Variants in WDR7 observed in about 807,000 individuals in gnomAD.
WDR7 encodes WD repeat-containing protein 7.
Under a neutral mutation model 169.4 loss-of-function variants are expected in WDR7, and 46 were observed. The observed-to-expected ratio is 0.27, with a 90% confidence interval of 0.21 to 0.35. WDR7 has a LOEUF of 0.35. WDR7 is among the 10% of genes least tolerant of loss of function. WDR7 has a pLI of 1.00. For synonymous variants in WDR7, 612 were observed against 666.8 expected, an observed-to-expected ratio of 0.92 and a Z score of 1.27; for missense variants, 1,534 against 1,859.3, an observed-to-expected ratio of 0.83 and a Z score of 3.22.
Position 56,781,670 on chromosome 18 carries a change from T to C in WDR7, c.3190+14T>C, listed in dbSNP as rs754280905. The C allele has an allele frequency of 6.3e-7, 1 of 1,576,404 alleles. No homozygotes were observed. Among genetic ancestry groups the C allele is most frequent in the Non-Finnish European group, 8.6e-7 (1 of 1,159,654 alleles). On this transcript the variant is annotated intron_variant, in intron 19 of 27. Transcript: ENST00000254442. The stretch of plus-strand genomic sequence containing the variant: ...ACGTCATATCACGTAAGAGTTCTCA[T>C]GCTTCTCTACAAAGCTTTGCAGGAA...
chr18:56,902,193 A>G (rs1368497179), intron 21 of WDR7, among the ~76,000 whole-genome samples: 1 of 152,184 alleles, frequency 6.6e-6, no homozygotes, highest in Non-Finnish European at 1.5e-5. Flanking sequence ...GTTCTGGGCA[A>G]TAACACAAGT....
chr18:56,774,219 A>G (rs2044208575), intron 16 of WDR7, among the ~76,000 whole-genome samples: 1 of 152,126 alleles, frequency 6.6e-6, no homozygotes, highest in Non-Finnish European at 1.5e-5. Flanking sequence ...TCAAATTTAA[A>G]TGGAGTTTAG....
At chr18:56,867,367 T>TTTA (rs1339535935) in intron 20 of WDR7, among the ~76,000 whole-genome samples, 11 of 152,078 alleles carry the variant, frequency 7.2e-5, no homozygotes, top group African/African-American at 2.7e-4. Context: ...CAGAGCAGTT[T>TTTA]AAGTACAATA....
At chr18:56,919,826 A>C (rs1437889328) in intron 21 of WDR7, among the ~76,000 whole-genome samples, 1 of 152,232 alleles carries the variant, frequency 6.6e-6, no homozygotes, top group Non-Finnish European at 1.5e-5. Context: ...TGAGAAGATC[A>C]GAATTAAAAG....
At chr18:56,943,344 T>C (rs74481268) in intron 25 of WDR7, among the ~76,000 whole-genome samples, 51 of 141,436 alleles carry the variant, frequency 3.6e-4, no homozygotes, top group African/African-American at 1.4e-3. Flanking sequence ...TTTTGTATTC[T>C]TTTTTTTTTT....
chr18:56,875,182 T>G (rs531830506), intron 20 of WDR7, among the ~76,000 whole-genome samples: 2 of 152,334 alleles, frequency 1.3e-5, no homozygotes, highest in Admixed American at 6.5e-5. Context: ...AGGGTTGTTT[T>G]GTTCTGTTTT....
At chr18:56,662,356 T>C (rs653614) in intron 1 of WDR7, among the ~76,000 whole-genome samples, 139,307 of 152,194 alleles carry the variant, frequency 0.92, 64,887 homozygotes, top group Non-Finnish European at 1. Flanking sequence ...ATCTTAACTG[T>C]TTATAGCTTT....
Position 56,731,511 on chromosome 18 carries a change from C to T in WDR7, c.1903C>T (p.Arg635Cys), listed in dbSNP as rs773164868. Reference sequence around the variant, plus strand: ...CAACCTAAAACAAGCTATGACGAGACGTAGTCTTGCTGCTCTTAAAAATAT... The same window carrying T: ...CAACCTAAAACAAGCTATGACGAGATGTAGTCTTGCTGCTCTTAAAAATAT... ...AVNLKQAMTR[R>C]SLAALKNMAH... The change falls in exon 14 of 28, where the codon CGT (arginine) becomes TGT (cysteine). Residue 635 changes from arginine to cysteine, a missense_variant. Transcript: ENST00000254442. 13 of 1,614,068 alleles carry T rather than the reference C, an allele frequency of 8.1e-6. No individual in the cohort carries two copies. The East Asian group carries it at 1.3e-4, about 17-fold the overall frequency.
intron 13 of WDR7, among the ~76,000 whole-genome samples, chr18:56,727,457 C>T (rs892022642): frequency 1.3e-5 from 2 of 152,094 alleles, no homozygotes; most frequent in East Asian, 1.9e-4. Context: ...CTCACAGTTC[C>T]GCATGGTTGG....
At chr18:56,668,107 G>A (rs1568126870) in intron 1 of WDR7, among the ~76,000 whole-genome samples, 1 of 152,194 alleles carries the variant, frequency 6.6e-6, no homozygotes, top group African/African-American at 2.4e-5. Flanking sequence ...CAGCTTGAGT[G>A]ATCTTTCTGA....
intron 25 of WDR7, among the ~76,000 whole-genome samples, chr18:56,954,410 C>T (rs2047222388): frequency 1.3e-5 from 2 of 152,042 alleles, no homozygotes; most frequent in Non-Finnish European, 2.9e-5. Context: ...GCCATTTCTA[C>T]TGACATGGAA....
intron 20 of WDR7, among the ~76,000 whole-genome samples, chr18:56,838,472 T>C (rs974808265): frequency 4.6e-5 from 7 of 152,242 alleles, no homozygotes; most frequent in Admixed American, 3.3e-4. Flanking sequence ...ACAAAATCTT[T>C]AGTGACTAAA....
intron 26 of WDR7, among the ~76,000 whole-genome samples, chr18:56,986,755 C>T (rs570512932): frequency 6.6e-6 from 1 of 152,170 alleles, no homozygotes; most frequent in East Asian, 1.9e-4. Flanking sequence ...AAATAAAAGG[C>T]ATTCCACTTC....
intron 4 of WDR7, among the ~76,000 whole-genome samples, chr18:56,681,668 C>T (rs2025353043): frequency 6.6e-6 from 1 of 152,226 alleles, no homozygotes; most frequent in South Asian, 2.1e-4. Flanking sequence ...GTGAGAGCCC[C>T]TTCACTACTT....
At chr18:56,902,878 G>A (rs146349919) in intron 21 of WDR7, among the ~76,000 whole-genome samples, 305 of 152,292 alleles carry the variant, frequency 2.0e-3, no homozygotes, top group African/African-American at 6.8e-3. Flanking sequence ...GATAGAAAGT[G>A]TTTTGGTTAA....
intron 26 of WDR7, among the ~76,000 whole-genome samples, chr18:57,018,813 C>T (rs1366140303): frequency 6.6e-6 from 1 of 152,138 alleles, no homozygotes; most frequent in Non-Finnish European, 1.5e-5. Flanking sequence ...AGAACTGAAT[C>T]TTGATGTTAA....
rs138169282 is a variant in WDR7, at chr18:57,024,312, A to T, written c.4270-2692A>T. On this transcript the variant is annotated intron_variant, in intron 27 of 27. Transcript: ENST00000254442. ...CGTTTGTATCCAGTCGCTGTTCAAGAAAACATTAATATTGAAAAAATTGTT... is the reference window on the plus strand; with the variant it reads ...CGTTTGTATCCAGTCGCTGTTCAAGTAAACATTAATATTGAAAAAATTGTT... 5.8e-3 allele frequency among the ~76,000 whole-genome samples: 881 copies of T among 152,288 alleles called. 4 individuals carry two copies. The highest frequency in any genetic ancestry group is 0.018 in the African/African-American group (762 of 41,564).
chr18:56,871,970 G>C (rs1382061254), intron 20 of WDR7, among the ~76,000 whole-genome samples: 1 of 152,020 alleles, frequency 6.6e-6, no homozygotes, highest in African/African-American at 2.4e-5. Flanking sequence ...GAATGTTTAA[G>C]AACAGTTTTT....
chr18:56,866,613 TAGG>T (rs1201336451), intron 20 of WDR7, among the ~76,000 whole-genome samples: 1 of 152,180 alleles, frequency 6.6e-6, no homozygotes, highest in African/African-American at 2.4e-5. Context: ...CTTTTGCTAA[TAGG>T]AGAAATTATG....
Sources: allele counts gnomAD v4.1 joint callset (sites outside exome capture counted in the v4.1 genomes callset), GRCh38; gene constraint gnomAD v4.1.1; transcripts MANE v1.5; gene names NCBI Gene and HGNC (gene_info 2026-07-23, HGNC 2026-07-21).